CACNG3: variants seen among roughly 807,000 people sequenced by gnomAD.
The protein encoded by CACNG3 is voltage-dependent calcium channel gamma-3 subunit.
Under a neutral mutation model 28.5 loss-of-function variants are expected in CACNG3, and 3 were observed. The observed-to-expected ratio is 0.11, with a 90% CI of 0.05 to 0.27. The LOEUF (loss-of-function observed/expected upper bound fraction) is 0.27. CACNG3 is among the 10% of genes least tolerant of loss of function. The pLI is 1.00. For synonymous variants in CACNG3, 174 were observed against 162.2 expected, an observed-to-expected ratio of 1.07 and a Z score of -0.55; for missense variants, 236 against 414.4, an observed-to-expected ratio of 0.57 and a Z score of 3.74.
chr16:24,332,241 C>A (rs1015862119), intron 1 of CACNG3, among the ~76,000 whole-genome samples: 4 of 152,122 alleles, frequency 2.6e-5, no homozygotes, highest in African/African-American at 9.6e-5. Flanking sequence ...GGTGGCAGAC[C>A]AATTGAGGCC....
At chr16:24,271,987 G>C (rs1898696957) in intron 1 of CACNG3, among the ~76,000 whole-genome samples, 1 of 152,086 alleles carries the variant, frequency 6.6e-6, no homozygotes, top group African/African-American at 2.4e-5. Flanking sequence ...ATAGAAATGA[G>C]CTCAGAGATA....
At chr16:24,346,511 A>C (rs189344460) in intron 1 of CACNG3, among the ~76,000 whole-genome samples, 33 of 152,304 alleles carry the variant, frequency 2.2e-4, no homozygotes, top group African/African-American at 7.2e-4. Flanking sequence ...CCAAGAGTTC[A>C]AGACTGCAGT....
intron 1 of CACNG3, among the ~76,000 whole-genome samples, chr16:24,307,312 G>C (rs749355607): frequency 1.2e-4 from 18 of 152,010 alleles, no homozygotes; most frequent in Non-Finnish European, 2.5e-4. Context: ...AGTAGAGACG[G>C]GGTTTCACCA....
intron 1 of CACNG3, among the ~76,000 whole-genome samples, chr16:24,297,808 C>T (rs1899052037): frequency 6.6e-6 from 1 of 152,102 alleles, no homozygotes; most frequent in Non-Finnish European, 1.5e-5. Flanking sequence ...TGTTCTGTTT[C>T]CTAGACGTGG....
At chr16:24,318,506 C>T (rs543938206) in intron 1 of CACNG3, among the ~76,000 whole-genome samples, 205 of 152,190 alleles carry the variant, frequency 1.3e-3, no homozygotes, top group Non-Finnish European at 2.4e-3. Context: ...TATCCTTTTT[C>T]GAATGAATGA....
At chr16:24,273,432 C>T (rs1898714965) in intron 1 of CACNG3, among the ~76,000 whole-genome samples, 1 of 152,204 alleles carries the variant, frequency 6.6e-6, no homozygotes, top group South Asian at 2.1e-4. Flanking sequence ...GTCTTAGCTT[C>T]CCATTTTATA....
chr16:24,339,116 T>A (rs1160588650), intron 1 of CACNG3, among the ~76,000 whole-genome samples: 1 of 152,180 alleles, frequency 6.6e-6, no homozygotes, highest in Non-Finnish European at 1.5e-5. Flanking sequence ...AATCCCTCCA[T>A]ACTGTTTTAA....
intron 1 of CACNG3, among the ~76,000 whole-genome samples, chr16:24,282,776 A>C (rs1287227054): frequency 6.6e-6 from 1 of 152,040 alleles, no homozygotes; most frequent in African/African-American, 2.4e-5. Flanking sequence ...GAACATATCT[A>C]TTTCTGAACC....
At chr16:24,303,960 C>T (rs2141361353) in intron 1 of CACNG3, among the ~76,000 whole-genome samples, 1 of 152,212 alleles carries the variant, frequency 6.6e-6, no homozygotes. Context: ...TCCCAGCCTA[C>T]ACCATAGGCT....
At chr16:24,301,880 C>T (rs941138103) in intron 1 of CACNG3, among the ~76,000 whole-genome samples, 1 of 152,180 alleles carries the variant, frequency 6.6e-6, no homozygotes, top group African/African-American at 2.4e-5. Flanking sequence ...TCCTCTGGAC[C>T]TGTCCATAGC....
chr16:24,358,666 G>A (rs748735797), intron 3 of CACNG3, among the ~76,000 whole-genome samples: 10 of 152,150 alleles, frequency 6.6e-5, no homozygotes, highest in Non-Finnish European at 1.2e-4. Flanking sequence ...GTAGGAAAAA[G>A]CAATTGCCTA....
intron 1 of CACNG3, among the ~76,000 whole-genome samples, chr16:24,336,816 G>A: frequency 6.6e-6 from 1 of 151,798 alleles, no homozygotes; most frequent in Non-Finnish European, 1.5e-5. Context: ...TGTTGTTGTT[G>A]TTTTGTTTTG....
rs1320699445 is a variant in CACNG3 at position 24,354,980 on chromosome 16, G to A, written c.436+7G>A. ...ATCTTTTTTGTCTCTGCAGGTGAGT[G>A]TCTGGCCCCAGCCCTGAGATCTTCA... On this transcript the variant is annotated splice_region_variant and intron_variant, in intron 3 of 3. Transcript: ENST00000005284. The A allele has an allele frequency of 3.1e-6, 5 of 1,610,598 alleles. No homozygotes were observed. The highest frequency in any genetic ancestry group is 4.2e-6 in the Non-Finnish European group (5 of 1,178,522).
intron 1 of CACNG3, among the ~76,000 whole-genome samples, chr16:24,340,615 G>A (rs1255361651): frequency 6.6e-6 from 1 of 152,126 alleles, no homozygotes; most frequent in Non-Finnish European, 1.5e-5. Context: ...TCATGTGAAG[G>A]AAGTACTTTT....
Position 24,256,841 on chromosome 16 carries a change from C to A in CACNG3, c.87C>A (p.Gly29=), listed in dbSNP as rs754541329. 3 of 1,613,214 alleles carry A rather than the reference C, an allele frequency of 1.9e-6. No individual in the cohort carries two copies. Among genetic ancestry groups the A allele is most frequent in the Middle Eastern group, 1.6e-4 (1 of 6,062 alleles). Residue 29 remains glycine (G), a synonymous_variant, in exon 1 of 4, where the codon GGC becomes GGA. Coordinates refer to ENST00000005284, the MANE Select transcript of CACNG3 (RefSeq NM_006539.4). The surrounding 1 kb of genome is among the most constrained non-coding windows in gnomAD (Gnocchi z 4.6). The part of the protein sequence containing the change: ...AAFSLMTIAV[G]TDYWLYSRGV... ...TTAGTTTAATGACCATTGCAGTGGG[C>A]ACGGACTACTGGTTATATTCCAGAG...
intron 1 of CACNG3, among the ~76,000 whole-genome samples, chr16:24,299,382 G>A (rs1031158739): frequency 2.6e-4 from 39 of 152,172 alleles, no homozygotes; most frequent in Admixed American, 2.6e-3. Flanking sequence ...CCATCAATGA[G>A]TATTTTGAAC....
chr16:24,261,985 C>A (rs1567205706), intron 1 of CACNG3, among the ~76,000 whole-genome samples: 1 of 152,154 alleles, frequency 6.6e-6, no homozygotes. Flanking sequence ...CTGTATGTGC[C>A]AAGCTCTGTG....
chr16:24,333,354 A>C (rs2141374506), intron 1 of CACNG3: 1 of 152,310 alleles, frequency 6.6e-6, no homozygotes, highest in South Asian at 2.1e-4. Flanking sequence ...TTGATTGTTT[A>C]CTATGAATAG....
chr16:24,302,937 G>A lies in CACNG3; in HGVS notation c.212-43797G>A, dbSNP rs1390641007. ...GGCCTCCCAAAGTGCTGGAATTACA[G>A]GCATGAGCCTCTGAACCTGACCTAA... On this transcript the variant is annotated intron_variant, in intron 1 of 3. Transcript: ENST00000005284. 2.0e-5 allele frequency among the ~76,000 whole-genome samples: 3 copies of A among 151,846 alleles called. No homozygotes were observed. In the East Asian group the frequency reaches 5.8e-4, roughly 29 times the overall value.
Sources: allele counts gnomAD v4.1 joint callset (sites outside exome capture counted in the v4.1 genomes callset), GRCh38; gene constraint gnomAD v4.1.1; non-coding constraint Gnocchi (gnomAD v3.1); transcripts MANE v1.5; gene names NCBI Gene and HGNC (gene_info 2026-07-23, HGNC 2026-07-21).